Variants in DPP10 observed in about 807,000 individuals in gnomAD.
DPP10 encodes the protein dipeptidyl peptidase like 10.
In DPP10, 33 loss-of-function variants were observed where a neutral mutation model predicts 120.9. The ratio of observed to expected loss-of-function variants is 0.27; its 90% confidence interval spans 0.21 to 0.37. The LOEUF (loss-of-function observed/expected upper bound fraction) is 0.37, where lower values mean the gene tolerates loss of function less well. DPP10 is among the 10% of genes least tolerant of loss of function. The pLI is 1.00. For synonymous variants in DPP10, 337 were observed against 326.1 expected (o/e 1.03, Z -0.36); for missense variants, 816 against 942.8 (o/e 0.87, Z 1.76).
At chr2:115,068,237 T>C (rs1262474622) in intron 1 of DPP10, among the ~76,000 whole-genome samples, 1 of 152,142 alleles carries the variant, frequency 6.6e-6, no homozygotes, top group Non-Finnish European at 1.5e-5. Flanking sequence ...GATTATCTTT[T>C]GTCTTTTTGA....
chr2:115,658,982 G>A (rs967703225), intron 5 of DPP10, among the ~76,000 whole-genome samples: 4 of 152,060 alleles, frequency 2.6e-5, no homozygotes, highest in South Asian at 2.1e-4. Context: ...ACTTAATCCC[G>A]AAGCACCAGT....
At chr2:115,622,069 C>T (rs1272488623) in intron 5 of DPP10, among the ~76,000 whole-genome samples, 12 of 152,028 alleles carry the variant, frequency 7.9e-5, no homozygotes, top group Non-Finnish European at 1.5e-5. Flanking sequence ...AGTTTTAGTC[C>T]ATTTATAGAG....
chr2:115,642,852 T>A (rs563733926), intron 5 of DPP10, among the ~76,000 whole-genome samples: 1 of 152,156 alleles, frequency 6.6e-6, no homozygotes, highest in South Asian at 2.1e-4. Flanking sequence ...AACATATAGA[T>A]ATATAGAGAG....
intron 2 of DPP10, among the ~76,000 whole-genome samples, chr2:115,314,531 A>C (rs1336405106): frequency 6.6e-6 from 1 of 152,182 alleles, no homozygotes. Flanking sequence ...AACATAACCA[A>C]GCATTGATGT....
rs567436269 is a variant in DPP10 at position 115,790,686 on chromosome 2, C to T, written c.1532-395C>T. 5.8e-4 allele frequency among the ~76,000 whole-genome samples: 88 copies of T among 152,002 alleles called. 1 individual carries two copies. Among genetic ancestry groups the T allele is most frequent in the African/African-American group, 2.1e-3 (85 of 41,450 alleles). On this transcript the variant is annotated intron_variant, in intron 17 of 25. Transcript: ENST00000410059. Reference sequence around the variant, plus strand: ...TATAACATGCTCATGCTTTTTCTACCTTATTAAATACCTGAACTACAATCC... The same window carrying T: ...TATAACATGCTCATGCTTTTTCTACTTTATTAAATACCTGAACTACAATCC...
intron 1 of DPP10, among the ~76,000 whole-genome samples, chr2:114,495,394 T>A (rs1682426168): frequency 6.6e-6 from 1 of 152,168 alleles, no homozygotes; most frequent in Non-Finnish European, 1.5e-5. Context: ...CTATAAGTGA[T>A]CACATGTTAA....
intron 5 of DPP10, among the ~76,000 whole-genome samples, chr2:115,688,616 T>C (rs912270777): frequency 2.6e-5 from 4 of 152,120 alleles, no homozygotes; most frequent in African/African-American, 9.7e-5. Context: ...AAAAATAATT[T>C]TCACAGAAAT....
intron 1 of DPP10, among the ~76,000 whole-genome samples, chr2:115,269,534 G>A (rs772956726): frequency 3.9e-5 from 6 of 152,116 alleles, no homozygotes; most frequent in Non-Finnish European, 8.8e-5. Flanking sequence ...CTGCTTCCAA[G>A]CTTACTTGTG....
intron 1 of DPP10, among the ~76,000 whole-genome samples, chr2:114,942,448 A>G (rs1697033000): frequency 2.1e-5 from 3 of 143,532 alleles, no homozygotes; most frequent in Admixed American, 7.0e-5. Context: ...GTATCCCATC[A>G]TTAAATATTT....
chr2:114,748,359 TTATTTTA>T (rs1678817513), intron 1 of DPP10, among the ~76,000 whole-genome samples: 2 of 126,538 alleles, frequency 1.6e-5, no homozygotes, highest in Admixed American at 1.7e-4. Flanking sequence ...TTATTTTTTT[TTATTTTA>T]TTTATTTATT....
intron 7 of DPP10, among the ~76,000 whole-genome samples, chr2:115,722,960 G>A (rs1304905585): frequency 3.9e-5 from 6 of 152,124 alleles, no homozygotes; most frequent in Non-Finnish European, 5.9e-5. Flanking sequence ...GCAGGACCCC[G>A]GGCTTACACT....
At chr2:115,767,228 A>C (rs933458223) in intron 12 of DPP10, among the ~76,000 whole-genome samples, 5 of 152,094 alleles carry the variant, frequency 3.3e-5, no homozygotes, top group Non-Finnish European at 7.4e-5. Flanking sequence ...GCAGGAACCC[A>C]GTGAAGAAAG....
At chr2:115,467,986 T>C (rs970706246) in intron 3 of DPP10, 1 of 268,416 alleles carries the variant, frequency 3.7e-6, no homozygotes, top group Non-Finnish European at 7.4e-6. Flanking sequence ...AAATTGAGCT[T>C]TCTGTGCTAC....
chr2:114,788,840 C>G (rs1279679581), intron 1 of DPP10, among the ~76,000 whole-genome samples: 1 of 152,080 alleles, frequency 6.6e-6, no homozygotes, highest in Admixed American at 6.6e-5. Context: ...CCACACCTGT[C>G]CCTTCAATCT....
At chr2:115,200,161 G>A (rs75212088) in intron 1 of DPP10, among the ~76,000 whole-genome samples, 6,023 of 152,224 alleles carry the variant, frequency 0.04, 163 homozygotes, top group Admixed American at 0.072. Flanking sequence ...GCAACAAAAC[G>A]AACTGCCTTT....
chr2:115,132,414 C>T (rs1187150488), intron 1 of DPP10, among the ~76,000 whole-genome samples: 1 of 152,204 alleles, frequency 6.6e-6, no homozygotes, highest in African/African-American at 2.4e-5. Flanking sequence ...TGCAAATTTC[C>T]CCCACAAAAG....
intron 1 of DPP10, among the ~76,000 whole-genome samples, chr2:115,056,192 G>A (rs2105366649): frequency 6.6e-6 from 1 of 152,166 alleles, no homozygotes; most frequent in African/African-American, 2.4e-5. Flanking sequence ...GGGGTTGGAG[G>A]GTGAGGCAGG....
chr2:115,126,528 TAAAAG>T (rs1297227448), intron 1 of DPP10, among the ~76,000 whole-genome samples: 2 of 152,204 alleles, frequency 1.3e-5, no homozygotes, highest in Non-Finnish European at 2.9e-5. Flanking sequence ...TATAAATAGA[TAAAAG>T]AAGAGTATCA....
chr2:114,857,154 T>C (rs182915948), intron 1 of DPP10, among the ~76,000 whole-genome samples: 1 of 152,296 alleles, frequency 6.6e-6, no homozygotes, highest in Admixed American at 6.5e-5. Flanking sequence ...CCCGGCCTCA[T>C]TGTTAATAGA....
Sources: allele counts gnomAD v4.1 joint callset (sites outside exome capture counted in the v4.1 genomes callset), GRCh38; gene constraint gnomAD v4.1.1; transcripts MANE v1.5; gene names NCBI Gene and HGNC (gene_info 2026-07-23, HGNC 2026-07-21).